Variants in PBRM1 observed in about 807,000 individuals in gnomAD.
PBRM1 encodes the protein protein polybromo-1.
In PBRM1, 27 loss-of-function variants were observed where a neutral mutation model predicts 194.5. The observed-to-expected ratio is 0.14, with a 90% confidence interval of 0.10 to 0.19. The LOEUF is 0.19. Among genes scored for constraint, PBRM1 ranks in the 10% least tolerant of loss-of-function variants. PBRM1 has a pLI of 1.00. For missense variants in PBRM1, 1,466 were observed against 2,077.2 expected, an observed-to-expected ratio of 0.71 and a Z score of 5.72; for synonymous variants, 655 against 693.2, an observed-to-expected ratio of 0.94 and a Z score of 0.87.
chr3:52,642,714 T>C (rs929461649), intron 9 of PBRM1, among the ~76,000 whole-genome samples: 5 of 151,968 alleles, frequency 3.3e-5, no homozygotes, highest in African/African-American at 4.8e-5. Context: ...TAGCTAATAT[T>C]AAACACTGCC....
At chr3:52,643,377 T>C in intron 8 of PBRM1, 34 bp from the exon 10 acceptor site, 3 of 1,422,294 alleles carry the variant, frequency 2.1e-6, no homozygotes, top group Non-Finnish European at 3.0e-6. Flanking sequence ...CTTAGAAACT[T>C]GGTAGCTGAA....
At chr3:52,651,374 T>C (rs1489096031) in intron 6 of PBRM1, among the ~76,000 whole-genome samples, 4 of 152,148 alleles carry the variant, frequency 2.6e-5, no homozygotes, top group Non-Finnish European at 2.9e-5. Context: ...AAACAACAGG[T>C]TACCCCATCT....
At chr3:52,611,247 T>C (rs530773403) in intron 15 of PBRM1, among the ~76,000 whole-genome samples, 10 of 152,196 alleles carry the variant, frequency 6.6e-5, no homozygotes, top group Non-Finnish European at 1.3e-4. Context: ...AGTTTCTCTA[T>C]AGCTAATAAG....
In PBRM1 at chr3:52,624,909, C is replaced by T. The variant is rs2095397514; in HGVS notation, c.1541+2364G>A. 5 of 1,547,002 alleles carry T rather than the reference C, an allele frequency of 3.2e-6. No individual in the cohort carries two copies. The East Asian group carries it at 1.2e-4, about 38-fold the overall frequency. ...AAGGACTGCACACCTGGATAGCCTC[C>T]TGAGACCCAACATCTCACTGTCATG... On this transcript the variant is annotated intron_variant, in intron 13 of 29. Transcript: ENST00000296302.
intron 3 of PBRM1, among the ~76,000 whole-genome samples, chr3:52,664,878 T>C (rs1560950349): frequency 6.6e-6 from 1 of 152,040 alleles, no homozygotes; most frequent in Non-Finnish European, 1.5e-5. Flanking sequence ...TGCAAAGACA[T>C]GGCTAAAAAC....
chr3:52,547,989 C>T (rs1344016588), downstream of PBRM1: 38 of 1,291,272 alleles, frequency 2.9e-5, no homozygotes, highest in East Asian at 7.4e-5. Flanking sequence ...TCCTTCCCCC[C>T]ACCCCCAGTA....
intron 4 of PBRM1, among the ~76,000 whole-genome samples, chr3:52,659,965 T>C (rs948635301): frequency 6.6e-6 from 1 of 152,148 alleles, no homozygotes; most frequent in East Asian, 1.9e-4. Context: ...GTGACAGGCA[T>C]CTGCAATCGC....
chr3:52,586,361 T>C, intron 20 of PBRM1, 64 bp downstream of exon 22: 1 of 1,365,946 alleles, frequency 7.3e-7, no homozygotes, highest in Admixed American at 2.1e-5. Flanking sequence ...ACTTTATTCA[T>C]TTATTTTCTG....
intron 17 of PBRM1, among the ~76,000 whole-genome samples, chr3:52,603,210 T>C (rs1177961175): frequency 6.6e-6 from 1 of 152,258 alleles, no homozygotes; most frequent in Non-Finnish European, 1.5e-5. Context: ...TTTCTAGTTC[T>C]AGCTGGCCTG....
chr3:52,615,417 C>T, exon 15 of PBRM1: 2 of 1,611,204 alleles, frequency 1.2e-6, no homozygotes, highest in Non-Finnish European at 1.7e-6. Context: ...TTCCTTTTCT[C>T]CTTGAGTAAC....
At chr3:52,615,817 A>G (rs1014383913) in intron 14 of PBRM1, among the ~76,000 whole-genome samples, 4 of 152,242 alleles carry the variant, frequency 2.6e-5, no homozygotes, top group Non-Finnish European at 4.4e-5. Context: ...ACTTAGCCCA[A>G]TAGAAATTAG....
chr3:52,682,780 C>T (rs1402737613), upstream of PBRM1, among the ~76,000 whole-genome samples: 3 of 152,074 alleles, frequency 2.0e-5, no homozygotes, highest in Non-Finnish European at 2.9e-5. Flanking sequence ...AAAATAAGAA[C>T]GTAATGCCGG....
intron 3 of PBRM1, 135 bp from the exon 5 acceptor site, chr3:52,662,411 T>C (rs1176860532): frequency 1.9e-5 from 13 of 667,768 alleles, no homozygotes; most frequent in Non-Finnish European, 3.3e-5. Context: ...AAAACATATA[T>C]GGGTCCAAAT....
At chr3:52,557,446 C>CA (rs1258302730) in intron 26 of PBRM1, among the ~76,000 whole-genome samples, 2 of 152,164 alleles carry the variant, frequency 1.3e-5, no homozygotes, top group Non-Finnish European at 2.9e-5. Flanking sequence ...GTGGCTTGTA[C>CA]AGACCTCACC....
At chr3:52,621,073 G>C (rs1400480945) in intron 13 of PBRM1, among the ~76,000 whole-genome samples, 2 of 152,156 alleles carry the variant, frequency 1.3e-5, no homozygotes, top group African/African-American at 4.8e-5. Context: ...TTCCAATATG[G>C]AGGCTGAGCC....
At chr3:52,559,070 C>T (rs780147045) in intron 25 of PBRM1, among the ~76,000 whole-genome samples, 3 of 152,104 alleles carry the variant, frequency 2.0e-5, no homozygotes, top group Non-Finnish European at 4.4e-5. Flanking sequence ...ATACTTCAGG[C>T]TACAATCATC....
chr3:52,661,608 C>A (rs2096726590), intron 4 of PBRM1, among the ~76,000 whole-genome samples: 1 of 152,062 alleles, frequency 6.6e-6, no homozygotes, highest in African/African-American at 2.4e-5. Context: ...TCAGTAGACA[C>A]CATTTTAGAT....
downstream of PBRM1, chr3:52,545,415 C>G: frequency 4.3e-6 from 1 of 230,856 alleles, no homozygotes; most frequent in South Asian, 1.8e-4. Context: ...TTTAGATGAA[C>G]AACAAAAAAA....
chr3:52,605,170 C>G (rs1245917435), intron 16 of PBRM1, among the ~76,000 whole-genome samples: 1 of 152,096 alleles, frequency 6.6e-6, no homozygotes, highest in African/African-American at 2.4e-5. Flanking sequence ...GTGGCGTGAT[C>G]ACAGCTCACC....
Sources: allele counts gnomAD v4.1 joint callset (sites outside exome capture counted in the v4.1 genomes callset), GRCh38; gene constraint gnomAD v4.1.1; transcripts MANE v1.5; gene names NCBI Gene and HGNC (gene_info 2026-07-23, HGNC 2026-07-21).